The following BEGAIN variants were observed in gnomAD, a reference collection of about 807,000 sequenced individuals.
BEGAIN encodes brain-enriched guanylate kinase-associated protein.
Under a neutral mutation model 35.8 loss-of-function variants are expected in BEGAIN, and 19 were observed. The observed-to-expected ratio is 0.53, with a 90% CI of 0.37 to 0.78. The LOEUF (loss-of-function observed/expected upper bound fraction) is 0.78. Among genes scored for constraint, BEGAIN ranks in the 30% least tolerant of loss-of-function variants. The pLI, the probability that BEGAIN is intolerant of heterozygous loss-of-function variation, is 0.00. For synonymous variants in BEGAIN, 462 were observed against 388.6 expected (o/e 1.19, Z -2.22); for missense variants, 795 against 853.6 (o/e 0.93, Z 0.85).
intron 1 of BEGAIN, among the ~76,000 whole-genome samples, chr14:100,569,952 C>G (rs954471484): frequency 2.6e-5 from 4 of 152,060 alleles, no homozygotes; most frequent in African/African-American, 9.7e-5. Flanking sequence ...GCGCTTCCCA[C>G]GGCTCCTCAC....
At position 100,537,752 on chromosome 14, in the gene BEGAIN, G is replaced by T; in HGVS notation, c.*217C>A. The T allele has an allele frequency of 1.7e-6, 1 of 588,902 alleles. No individual in the cohort carries two copies. Among genetic ancestry groups the T allele is most frequent in the Non-Finnish European group, 2.7e-6 (1 of 364,510 alleles). The allele number at this position is 588,902 out of a possible 1,614,324, so 36.5% of individuals were successfully genotyped here. The stretch of plus-strand genomic sequence containing the variant: ...AGGACGCGTGAAAAACGCTCTAAGT[G>T]GAGTTCCACGGGCCGGGGCCGGGTG... On this transcript the variant is annotated 3_prime_UTR_variant, in exon 7 of 7. Coordinates refer to ENST00000554140, the MANE Select transcript of BEGAIN (RefSeq NM_001385089.1).
At chr14:100,544,504 C>G (rs988286438) in intron 4 of BEGAIN, among the ~76,000 whole-genome samples, 8 of 152,224 alleles carry the variant, frequency 5.3e-5, no homozygotes, top group African/African-American at 1.9e-4. Context: ...ACCAGAAACC[C>G]ACACCCTGCC....
At chr14:100,546,419 G>A (rs1225232110) in intron 3 of BEGAIN, 82 bp downstream of exon 3, 1 of 45,808 alleles carries the variant, frequency 2.2e-5, no homozygotes, top group African/African-American at 1.7e-4. Context: ...CCCGGCCCTC[G>A]CCCCGCCCCG....
intron 1 of BEGAIN, among the ~76,000 whole-genome samples, chr14:100,576,505 AC>A (rs1188615068): frequency 6.6e-6 from 1 of 151,680 alleles, no homozygotes; most frequent in Non-Finnish European, 1.5e-5. Context: ...CTCAGAACAG[AC>A]CCCCTCCCGG....
Position 100,539,691 on chromosome 14 carries a change from G to A in BEGAIN, c.493-376C>T, listed in dbSNP as rs77965582. ...CCCACCCATTTTGTGCCCAGCGAGG[G>A]GTTGACTTGCTCTCCCAGGCCCGTG... On this transcript the variant is annotated intron_variant, in intron 6 of 6. Transcript: ENST00000554140. Among the ~76,000 whole-genome samples, 475 of 152,104 alleles carry A rather than the reference G, an allele frequency of 3.1e-3. 3 individuals are homozygous for A. Among genetic ancestry groups the A allele is most frequent in the African/African-American group, 0.011 (457 of 41,494 alleles).
chr14:100,545,362 A>G (rs1451106497), intron 3 of BEGAIN: 34 of 1,247,224 alleles, frequency 2.7e-5, no homozygotes, highest in African/African-American at 3.0e-5. Context: ...ACTCTGTCCC[A>G]TCCACACGCG....
intron 6 of BEGAIN, 111 bp downstream of exon 6, chr14:100,540,385 T>G: frequency 1.2e-6 from 1 of 847,608 alleles, no homozygotes; most frequent in Non-Finnish European, 1.9e-6. Context: ...AGGCTCAGGC[T>G]CAGCTGGCAT....
In BEGAIN at chr14:100,539,136, G is replaced by T. The variant is rs754592707; in HGVS notation, c.672C>A (p.Arg224=). The T allele has an allele frequency of 1.2e-6, 2 of 1,603,462 alleles. No individual in the cohort carries two copies. Among genetic ancestry groups the T allele is most frequent in the Admixed American group, 1.7e-5 (1 of 59,320 alleles). The change falls in exon 7 of 7, where the codon CGC becomes CGA. Residue 224 remains arginine, a synonymous_variant. Transcript: ENST00000554140. Reference sequence around the variant, plus strand: ...CCACCCCGTCGCAGAAGGCCAGGTCGCGGGCGGAGGCATCGGACAGGCGGG... The same window carrying T: ...CCACCCCGTCGCAGAAGGCCAGGTCTCGGGCGGAGGCATCGGACAGGCGGG... ...LSSRLSDASA[R]DLAFCDGVEK... is the part of the protein sequence containing the mutation.
At chr14:100,582,640 T>C (rs894764805) in intron 1 of BEGAIN, among the ~76,000 whole-genome samples, 6 of 152,142 alleles carry the variant, frequency 3.9e-5, no homozygotes, top group Non-Finnish European at 8.8e-5. Flanking sequence ...CTTCCTCAGA[T>C]AGGACATGTA....
rs1280612420 is a variant in BEGAIN at position 100,558,231 on chromosome 14, G to A, written c.71+9680C>T. ...TTCTGCCTCTGCCTCCTTACTCCTA[G>A]CCTGCCGGGATGGGACCAATGCCCA... On this transcript the variant is annotated intron_variant, in intron 2 of 6. Coordinates refer to ENST00000554140, the MANE Select transcript of BEGAIN (RefSeq NM_001385089.1). The surrounding 1 kb of genome is among the most constrained non-coding windows in gnomAD (Gnocchi z 4.6). Among the ~76,000 whole-genome samples, 1 of 152,080 alleles carries A rather than the reference G, an allele frequency of 6.6e-6. No homozygotes were observed. The highest frequency in any genetic ancestry group is 1.5e-5 in the Non-Finnish European group (1 of 68,022).
At chr14:100,560,032 G>A (rs907132450) in intron 2 of BEGAIN, among the ~76,000 whole-genome samples, 11 of 152,316 alleles carry the variant, frequency 7.2e-5, no homozygotes, top group Non-Finnish European at 1.0e-4. Context: ...TGCACCAGCC[G>A]CGGGGGGCTG....
chr14:100,577,208 A>C (rs1246485115), intron 1 of BEGAIN: 1 of 397,934 alleles, frequency 2.5e-6, no homozygotes, highest in Non-Finnish European at 4.4e-6. Context: ...CCCGTTACAA[A>C]TATTATAAAT....
intron 6 of BEGAIN, 108 bp downstream of exon 6, chr14:100,540,388 G>A: frequency 1.2e-6 from 1 of 864,742 alleles, no homozygotes; most frequent in Non-Finnish European, 1.8e-6. Flanking sequence ...CTCAGGCTCA[G>A]CTGGCATCTT....
intron 1 of BEGAIN, chr14:100,569,065 G>C (rs58983758): frequency 5.9e-6 from 3 of 506,634 alleles, no homozygotes; most frequent in East Asian, 1.5e-4. Flanking sequence ...GCCCGGCCCC[G>C]GGGCCTCGGC....
At chr14:100,544,110 C>G (rs1007202633) in intron 4 of BEGAIN, 145 bp from the exon 5 acceptor site, 6 of 615,286 alleles carry the variant, frequency 9.8e-6, no homozygotes, top group Non-Finnish European at 1.7e-5. Context: ...TTTATGAGCA[C>G]AGACAGACCC....
chr14:100,541,155 C>T (rs147755981), intron 5 of BEGAIN, among the ~76,000 whole-genome samples: 2 of 152,280 alleles, frequency 1.3e-5, no homozygotes, highest in Non-Finnish European at 2.9e-5. Context: ...GGCGCTGGCT[C>T]AGCCTCCTGA....
At chr14:100,553,263 C>T (rs990258571) in intron 2 of BEGAIN, among the ~76,000 whole-genome samples, 1 of 152,100 alleles carries the variant, frequency 6.6e-6, no homozygotes, top group Non-Finnish European at 1.5e-5. Context: ...GATGCCCCTC[C>T]CGCCGCCTCT....
rs2034953131 is a variant in BEGAIN at position 100,568,877 on chromosome 14, G to A, written c.43-938C>T. 1 of 985,480 alleles carries A rather than the reference G, an allele frequency of 1.0e-6. No individual in the cohort carries two copies. The highest frequency in any genetic ancestry group is 1.2e-6 in the Non-Finnish European group (1 of 830,284). The allele number at this position is 985,480 out of a possible 1,614,324, so 61.0% of individuals were successfully genotyped here. A position where few individuals can be genotyped will look rare whatever the true frequency, so the allele number is the denominator to read the frequency against. On this transcript the variant is annotated intron_variant, in intron 1 of 6. Coordinates refer to ENST00000554140, the MANE Select transcript of BEGAIN (RefSeq NM_001385089.1). This position sits in a 1 kb window ranked among gnomAD's most constrained non-coding sequence, Gnocchi z 7.5. ...GCACTCAAGGGGGACAGGGGTCCGA[G>A]CTCAGGGACCACGCGACAGACCTGG... is the stretch of plus-strand genomic sequence containing the variant.
At chr14:100,561,047 GA>G (rs1373304816) in intron 2 of BEGAIN, among the ~76,000 whole-genome samples, 3 of 152,142 alleles carry the variant, frequency 2.0e-5, no homozygotes, top group African/African-American at 7.2e-5. Flanking sequence ...GGGGGGTGGG[GA>G]GGGGGAGCCC....
Sources: allele counts gnomAD v4.1 joint callset (sites outside exome capture counted in the v4.1 genomes callset), GRCh38; gene constraint gnomAD v4.1.1; non-coding constraint Gnocchi (gnomAD v3.1); transcripts MANE v1.5; gene names NCBI Gene and HGNC (gene_info 2026-07-23, HGNC 2026-07-21).